Variants in TRIM69 observed in about 807,000 individuals in gnomAD.
TRIM69 encodes E3 ubiquitin-protein ligase TRIM69.
Under a neutral mutation model 37.7 loss-of-function variants are expected in TRIM69, and 29 were observed. The ratio of observed to expected loss-of-function variants is 0.77; its 90% CI spans 0.57 to 1.05. The LOEUF is 1.05. Among genes scored for constraint, TRIM69 ranks in the 50% least tolerant of loss-of-function variants. TRIM69 has a pLI of 0.00. For synonymous variants in TRIM69, 209 were observed against 212.4 expected (o/e 0.98, Z 0.14); for missense variants, 596 against 579.9 (o/e 1.03, Z -0.28).
intron 1 of TRIM69, among the ~76,000 whole-genome samples, chr15:44,748,994 C>T (rs1184576801): frequency 1.3e-5 from 2 of 151,896 alleles, no homozygotes; most frequent in East Asian, 3.9e-4. Context: ...GATTCTCCAG[C>T]CTCAGCCTTC....
At chr15:44,739,981 C>T (rs2087246157) in intron 1 of TRIM69, among the ~76,000 whole-genome samples, 1 of 151,842 alleles carries the variant, frequency 6.6e-6, no homozygotes, top group Admixed American at 6.6e-5. Context: ...GAGGCACCCC[C>T]AAGTAGGGGC....
intron 1 of TRIM69, among the ~76,000 whole-genome samples, chr15:44,746,720 A>G (rs1210810919): frequency 6.6e-6 from 1 of 150,986 alleles, no homozygotes; most frequent in Admixed American, 6.7e-5. Flanking sequence ...GACATTTGAA[A>G]TATTCTGCCC....
At chr15:44,748,183 G>A (rs2087447053) in intron 1 of TRIM69, among the ~76,000 whole-genome samples, 3 of 152,168 alleles carry the variant, frequency 2.0e-5, no homozygotes, top group Admixed American at 6.5e-5. Flanking sequence ...TACATCTTCT[G>A]TCTATATTTA....
At chr15:44,756,543 C>A in intron 3 of TRIM69, 80 bp downstream of exon 3, 3 of 947,254 alleles carry the variant, frequency 3.2e-6, no homozygotes, top group East Asian at 2.6e-5. Context: ...TACAAAGGTG[C>A]CTAACATATA....
At chr15:44,749,263 T>C (rs1425225454) in intron 1 of TRIM69, among the ~76,000 whole-genome samples, 3 of 152,166 alleles carry the variant, frequency 2.0e-5, no homozygotes, top group Non-Finnish European at 4.4e-5. Context: ...AGATGTACAA[T>C]TCAGTGGCAT....
rs753566935 is a variant in TRIM69 at position 44,754,953 on chromosome 15, T to A, written c.60T>A (p.Asn20Lys). ...NIDPGDYVEM[N>K]DSITHLPSKV... The stretch of plus-strand genomic sequence containing the variant: ...ATCCAGGCGACTATGTTGAAATGAA[T>A]GATTCAATCACCCACCTACCCTCTA... Residue 20 changes from asparagine to lysine, a missense_variant, in exon 2 of 7, where the codon AAT (asparagine) becomes AAA (lysine). Coordinates refer to ENST00000329464, the MANE Select transcript of TRIM69 (RefSeq NM_182985.5). 1 of 1,614,180 alleles carries A rather than the reference T, an allele frequency of 6.2e-7. No homozygotes were observed. Among genetic ancestry groups the A allele is most frequent in the Non-Finnish European group, 8.5e-7 (1 of 1,180,008 alleles).
Position 44,767,557 on chromosome 15 carries a change from C to T in TRIM69, c.1288C>T (p.Pro430Ser), listed in dbSNP as rs1269886830. ...AACTGATCTAAAGGCTCTGGATTTG[C>T]CTTCTTTCAGTCTGACACTGACTAA... ...NQTDLKALDL[P>S]SFSLTLTNNL... The change falls in exon 7 of 7, where the codon CCT (proline) becomes TCT (serine). Residue 430 changes from proline to serine, a missense_variant. Physicochemically the swap from Pro to Ser is moderately conservative, Grantham distance 74 (BLOSUM62 -1). Transcript: ENST00000329464. The T allele has an allele frequency of 2.5e-6, 4 of 1,614,058 alleles. No individual in the cohort carries two copies. Among genetic ancestry groups the T allele is most frequent in the Admixed American group, 3.3e-5 (2 of 60,004 alleles).
intron 6 of TRIM69, among the ~76,000 whole-genome samples, chr15:44,762,325 G>A (rs571464960): frequency 1.3e-5 from 2 of 152,206 alleles, no homozygotes; most frequent in South Asian, 4.1e-4. Flanking sequence ...TTGATTATAC[G>A]TGGTCTTGGT....
At chr15:44,744,586 T>G (rs1238288221) in intron 1 of TRIM69, among the ~76,000 whole-genome samples, 1 of 152,146 alleles carries the variant, frequency 6.6e-6, no homozygotes, top group Non-Finnish European at 1.5e-5. Context: ...CAGGGAAATA[T>G]TTAATAATAA....
chr15:44,741,915 T>G (rs2141309164), intron 1 of TRIM69, among the ~76,000 whole-genome samples: 1 of 152,350 alleles, frequency 6.6e-6, no homozygotes, highest in Admixed American at 6.5e-5. Context: ...CCATTCCTTC[T>G]GAAGCTATTC....
chr15:44,751,492 T>C (rs2087530354), intron 1 of TRIM69, among the ~76,000 whole-genome samples: 1 of 152,098 alleles, frequency 6.6e-6, no homozygotes, highest in African/African-American at 2.4e-5. Context: ...CTCAAACTCC[T>C]GGGTTCAAGT....
intron 1 of TRIM69, among the ~76,000 whole-genome samples, chr15:44,738,054 CT>C (rs869285725): frequency 2.1e-4 from 5 of 23,450 alleles, no homozygotes; most frequent in East Asian, 3.5e-3. Context: ...TTCTTTCTTT[CT>C]TTTTTTTTTT....
chr15:44,758,701 C>T lies in TRIM69; in HGVS notation c.660C>T (p.Asp220=), dbSNP rs779296913. ...LHQFLHSKEK[D]ILTELREEGK... ...AGTTCCTGCACAGCAAAGAAAAGGA[C>T]ATTTTAACTGAGCTCCGGGAAGAGG... Residue 220 remains aspartate (D), a synonymous_variant, in exon 4 of 7, where the codon GAC becomes GAT. Transcript: ENST00000329464. 5 of 1,614,138 alleles carry T rather than the reference C, an allele frequency of 3.1e-6. No homozygotes were observed. The highest frequency in any genetic ancestry group is 4.2e-6 in the Non-Finnish European group (5 of 1,180,006).
chr15:44,750,126 C>A (rs890359161), intron 1 of TRIM69, among the ~76,000 whole-genome samples: 10 of 152,174 alleles, frequency 6.6e-5, no homozygotes, highest in Admixed American at 2.0e-4. Flanking sequence ...GGATAATAGA[C>A]CTTATCTGGT....
intron 4 of TRIM69, among the ~76,000 whole-genome samples, chr15:44,759,116 AT>A (rs2141143428): frequency 6.6e-6 from 1 of 152,300 alleles, no homozygotes; most frequent in East Asian, 1.9e-4. Flanking sequence ...ATGGTTTAAT[AT>A]TTTTCCATAA....
chr15:44,748,324 CTA>C (rs1367013916), intron 1 of TRIM69, among the ~76,000 whole-genome samples: 3 of 152,132 alleles, frequency 2.0e-5, no homozygotes, highest in Non-Finnish European at 2.9e-5. Flanking sequence ...GGCAGAGCCT[CTA>C]TGTTATTCAT....
chr15:44,740,603 A>G (rs1461429127), intron 1 of TRIM69, among the ~76,000 whole-genome samples: 2 of 152,176 alleles, frequency 1.3e-5, no homozygotes, highest in African/African-American at 4.8e-5. Context: ...TAGGCTCAAA[A>G]TGAAAGGATG....
At chr15:44,745,069 TAA>T (rs35438847) in intron 1 of TRIM69, among the ~76,000 whole-genome samples, 3,350 of 138,056 alleles carry the variant, frequency 0.024, 105 homozygotes, top group African/African-American at 0.077. Flanking sequence ...GAGTGCATAC[TAA>T]AAAAAAAAAA....
At chr15:44,740,803 C>A (rs1464294103) in intron 1 of TRIM69, among the ~76,000 whole-genome samples, 3 of 151,722 alleles carry the variant, frequency 2.0e-5, no homozygotes, top group African/African-American at 7.3e-5. Flanking sequence ...CAGGAGCACC[C>A]AGATTCATAA....
Sources: allele counts gnomAD v4.1 joint callset (sites outside exome capture counted in the v4.1 genomes callset), GRCh38; gene constraint gnomAD v4.1.1; transcripts MANE v1.5; gene names NCBI Gene and HGNC (gene_info 2026-07-23, HGNC 2026-07-21).